The following CLMN variants were observed in gnomAD, a reference collection of about 807,000 sequenced individuals.
CLMN encodes the protein calmin (calponin-like, transmembrane).
Under a neutral mutation model 92.7 loss-of-function variants are expected in CLMN, and 57 were observed. The observed-to-expected ratio is 0.61, with a 90% CI of 0.50 to 0.77. CLMN has a LOEUF of 0.77. Among genes scored for constraint, CLMN ranks in the 30% least tolerant of loss-of-function variants. The pLI is 0.00. For synonymous variants in CLMN, 466 were observed against 470.6 expected (o/e 0.99, Z 0.13); for missense variants, 1,158 against 1,237.5 (o/e 0.94, Z 0.96).
At chr14:95,288,262 T>A (rs1363093405) in intron 1 of CLMN, among the ~76,000 whole-genome samples, 1 of 152,176 alleles carries the variant, frequency 6.6e-6, no homozygotes, top group African/African-American at 2.4e-5. Context: ...GCAACAGCCA[T>A]GATGTGGCTG....
At chr14:95,282,356 G>A (rs1380894960) in intron 1 of CLMN, among the ~76,000 whole-genome samples, 1 of 152,204 alleles carries the variant, frequency 6.6e-6, no homozygotes, top group Non-Finnish European at 1.5e-5. Flanking sequence ...AGCAAGTATA[G>A]GCCAAGAAGC....
At chr14:95,260,514 C>G (rs1211202608) in intron 1 of CLMN, 1 of 151,714 alleles carries the variant, frequency 6.6e-6, no homozygotes, top group Admixed American at 6.6e-5. Context: ...CAAGCACTTA[C>G]AATATTGCCT....
chr14:95,196,616 T>C lies in CLMN; in HGVS notation c.2590A>G (p.Lys864Glu). The C allele has an allele frequency of 6.2e-7, 1 of 1,614,222 alleles. No individual in the cohort carries two copies. The highest frequency in any genetic ancestry group is 8.5e-7 in the Non-Finnish European group (1 of 1,180,040). ...NVTKESISSK[K>E]KEKRKHVDHV... Reference sequence around the variant, plus strand: ...TCCACATGTTTCCTTTTTTCCTTTTTTTTACTACTGATTGATTCTTTCGTT... The same window carrying C: ...TCCACATGTTTCCTTTTTTCCTTTTCTTTACTACTGATTGATTCTTTCGTT... Residue 864 changes from lysine (K) to glutamate (E), a missense_variant, in exon 10 of 13, where the codon AAA becomes GAA. By Grantham distance (56) the Lys-to-Glu change is moderately conservative. Coordinates refer to ENST00000298912, the MANE Select transcript of CLMN (RefSeq NM_024734.4).
chr14:95,287,842 C>T (rs377558996), intron 1 of CLMN, among the ~76,000 whole-genome samples: 90 of 152,326 alleles, frequency 5.9e-4, no homozygotes, highest in African/African-American at 2.0e-3. Context: ...GGCAGAGAGG[C>T]TCCTAGCCAG....
At chr14:95,246,260 G>C (rs1898566403) in intron 1 of CLMN, among the ~76,000 whole-genome samples, 2 of 152,176 alleles carry the variant, frequency 1.3e-5, no homozygotes, top group South Asian at 2.1e-4. Context: ...CAGGAAACTA[G>C]GGACAGCCCC....
At chr14:95,236,762 T>C (rs532878211) in intron 1 of CLMN, among the ~76,000 whole-genome samples, 2 of 152,288 alleles carry the variant, frequency 1.3e-5, no homozygotes, top group South Asian at 4.1e-4. Context: ...ACAATGTCAG[T>C]TCTGTACTTG....
At position 95,203,729 on chromosome 14, in the gene CLMN, G is replaced by A; in HGVS notation, c.1620C>T (p.Ile540=). The A allele has an allele frequency of 6.2e-7, 1 of 1,614,148 alleles. No homozygotes were observed. The highest frequency in any genetic ancestry group is 8.5e-7 in the Non-Finnish European group (1 of 1,180,024). Reference sequence around the variant, plus strand: ...CTTCTACAGTCATCAGGTTAACCTTGATCTGGAAGGAATCGGCCATCACAG... The same window carrying A: ...CTTCTACAGTCATCAGGTTAACCTTAATCTGGAAGGAATCGGCCATCACAG... The part of the protein sequence containing the change: ...ENTVMADSFQ[I]KVNLMTVEAL... The change falls in exon 9 of 13, where the codon ATC becomes ATT. Residue 540 remains isoleucine, a synonymous_variant. Transcript: ENST00000298912.
intron 1 of CLMN, among the ~76,000 whole-genome samples, chr14:95,271,528 G>T (rs1391224001): frequency 6.6e-6 from 1 of 152,180 alleles, no homozygotes; most frequent in Admixed American, 6.5e-5. Context: ...GATGATCACA[G>T]AATGAAATAC....
chr14:95,309,055 C>G (rs1901413709), intron 1 of CLMN, among the ~76,000 whole-genome samples: 1 of 152,028 alleles, frequency 6.6e-6, no homozygotes, highest in South Asian at 2.1e-4. Flanking sequence ...CGCGTTCAGT[C>G]AAGGAGGGAG....
intron 1 of CLMN, among the ~76,000 whole-genome samples, chr14:95,240,792 A>C (rs959743188): frequency 5.9e-5 from 9 of 152,168 alleles, no homozygotes; most frequent in African/African-American, 2.2e-4. Flanking sequence ...AGATGAGGAA[A>C]CTGAGTCTCA....
At position 95,203,919 on chromosome 14, in the gene CLMN, T is replaced by C; in HGVS notation, c.1430A>G (p.Glu477Gly). 6.2e-7 allele frequency: 1 copy of C among 1,614,186 alleles called. No homozygotes were observed. The highest frequency in any genetic ancestry group is 1.3e-5 in the African/African-American group (1 of 75,058). Residue 477 changes from glutamate (E) to glycine (G), a missense_variant, in exon 9 of 13, where the codon GAA becomes GGA. Transcript: ENST00000298912. ...EVAEEKEQKQ[E>G]SSKIPESSSD... Reference sequence around the variant, plus strand: ...GGAGGATTCTGGAATCTTCGAGGATTCCTGTTTCTGTTCCTTTTCCTCAGC... The same window carrying C: ...GGAGGATTCTGGAATCTTCGAGGATCCCTGTTTCTGTTCCTTTTCCTCAGC...
In CLMN at chr14:95,220,429, G is replaced by A. The variant is rs1447422402; in HGVS notation, c.324+1262C>T. 3.9e-5 allele frequency among the ~76,000 whole-genome samples: 6 copies of A among 152,022 alleles called. No individual in the cohort carries two copies. The East Asian group carries it at 9.7e-4, about 24-fold the overall frequency. On this transcript the variant is annotated intron_variant, in intron 4 of 12. Transcript: ENST00000298912. ...TGACCTCAGGTGATCCACCCGCCTC[G>A]GCCTCCCAAAGTGCTGGGATTACAG...
chr14:95,315,471 C>T, intron 1 of CLMN, among the ~76,000 whole-genome samples: 1 of 152,178 alleles, frequency 6.6e-6, no homozygotes. Context: ...GTAAAGAAGT[C>T]AGTGACTGCG....
intron 1 of CLMN, among the ~76,000 whole-genome samples, chr14:95,255,090 C>G (rs10149231): frequency 0.08 from 12,148 of 152,164 alleles, 637 homozygotes; most frequent in African/African-American, 0.14. Context: ...CAGGAAACAC[C>G]AGGGGTGCAT....
Position 95,294,979 on chromosome 14 carries a change from T to C in CLMN, c.82+24732A>G, listed in dbSNP as rs1167064070. Among the ~76,000 whole-genome samples the C allele has an allele frequency of 6.6e-6, 1 of 152,202 alleles. No homozygotes were observed. The highest frequency in any genetic ancestry group is 1.5e-5 in the Non-Finnish European group (1 of 68,024). ...GCTCCTATAATTCAGCCCCCTCTTCTTGCCCATCAGGCCTGGCAATGGTAA... is the reference window on the plus strand; with the variant it reads ...GCTCCTATAATTCAGCCCCCTCTTCCTGCCCATCAGGCCTGGCAATGGTAA... On this transcript the variant is annotated intron_variant, in intron 1 of 12. Transcript: ENST00000298912. This position sits in a 1 kb window ranked among gnomAD's most constrained non-coding sequence, Gnocchi z 4.2.
intron 1 of CLMN, among the ~76,000 whole-genome samples, chr14:95,307,010 G>A (rs369991117): frequency 6.6e-6 from 1 of 152,210 alleles, no homozygotes; most frequent in Non-Finnish European, 1.5e-5. Context: ...ATCCTCCAGG[G>A]AAAGGGGCTG....
intron 1 of CLMN, among the ~76,000 whole-genome samples, chr14:95,239,543 C>T (rs1023072000): frequency 9.2e-5 from 14 of 152,196 alleles, no homozygotes; most frequent in East Asian, 3.9e-4. Context: ...GAAAGTGTTC[C>T]GGTTTCTGAA....
intron 1 of CLMN, among the ~76,000 whole-genome samples, chr14:95,313,773 A>G (rs1901643913): frequency 6.6e-6 from 1 of 152,276 alleles, no homozygotes; most frequent in Non-Finnish European, 1.5e-5. Flanking sequence ...TCTCAGACAT[A>G]GGGCAGATGT....
At chr14:95,246,248 G>A (rs1898566192) in intron 1 of CLMN, among the ~76,000 whole-genome samples, 1 of 152,138 alleles carries the variant, frequency 6.6e-6, no homozygotes, top group African/African-American at 2.4e-5. Flanking sequence ...TCAGGGCCAG[G>A]CCAGGAAACT....
Sources: allele counts gnomAD v4.1 joint callset (sites outside exome capture counted in the v4.1 genomes callset), GRCh38; gene constraint gnomAD v4.1.1; non-coding constraint Gnocchi (gnomAD v3.1); transcripts MANE v1.5; gene names NCBI Gene and HGNC (gene_info 2026-07-23, HGNC 2026-07-21).